The following PDE5A variants were observed in gnomAD, a reference collection of about 807,000 sequenced individuals.
PDE5A encodes the protein cGMP-specific 3',5'-cyclic phosphodiesterase.
In PDE5A, 67 loss-of-function variants were observed where a neutral mutation model predicts 110.2. The observed-to-expected ratio is 0.61, with a 90% confidence interval of 0.50 to 0.75. PDE5A has a LOEUF of 0.75. Ranked by LOEUF, PDE5A falls within the 30% of genes least tolerant of loss-of-function variation. PDE5A has a pLI of 0.00. For synonymous variants in PDE5A, 328 were observed against 351.2 expected (o/e 0.93, Z 0.74); for missense variants, 862 against 1,045.1 (o/e 0.82, Z 2.42).
At chr4:119,585,317 C>T (rs1328602726) in intron 3 of PDE5A, among the ~76,000 whole-genome samples, 1 of 151,780 alleles carries the variant, frequency 6.6e-6, no homozygotes, top group Non-Finnish European at 1.5e-5. Flanking sequence ...CAATAGTTTG[C>T]CACCATACAA....
In PDE5A at chr4:119,561,181, ACATTATG is replaced by A. The variant is rs1172967402; in HGVS notation, c.1132-825_1132-819del. The stretch of plus-strand genomic sequence containing the variant: ...AAATCACATTAAAAAGCAGAACAGC[ACATTATG>A]CCCATGCTCTATTTATACAGAATTG... On this transcript the variant is annotated intron_variant, in intron 6 of 20. Coordinates refer to ENST00000354960, the MANE Select transcript of PDE5A (RefSeq NM_001083.4). Among the ~76,000 whole-genome samples, 5 of 152,318 alleles carry A rather than the reference ACATTATG, an allele frequency of 3.3e-5. No homozygotes were observed. In the South Asian group the frequency reaches 1.0e-3, roughly 32 times the overall value.
At chr4:119,612,318 T>TC (rs1729785112) in intron 1 of PDE5A, among the ~76,000 whole-genome samples, 1 of 152,166 alleles carries the variant, frequency 6.6e-6, no homozygotes, top group African/African-American at 2.4e-5. Context: ...CTTCACACCA[T>TC]CCCCTTCATG....
At chr4:119,518,510 A>G (rs1725995364) in intron 14 of PDE5A, among the ~76,000 whole-genome samples, 2 of 152,218 alleles carry the variant, frequency 1.3e-5, no homozygotes, top group African/African-American at 4.8e-5. Context: ...ATAGGTACCA[A>G]GCATTCTGCT....
intron 20 of PDE5A, chr4:119,500,861 TAAAAAA>T (rs35960124): frequency 6.0e-5 from 12 of 201,664 alleles, no homozygotes; most frequent in East Asian, 4.4e-4. Flanking sequence ...AATTTAGACT[TAAAAAA>T]AGAATATGCT....
chr4:119,616,376 CTT>C (rs1481993109), intron 1 of PDE5A, among the ~76,000 whole-genome samples: 2 of 152,206 alleles, frequency 1.3e-5, no homozygotes, highest in Admixed American at 6.5e-5. Context: ...CTTTTGAGCT[CTT>C]GTCATAAATG....
intron 2 of PDE5A, among the ~76,000 whole-genome samples, chr4:119,605,053 A>G (rs1209422897): frequency 1.3e-5 from 2 of 152,056 alleles, no homozygotes; most frequent in African/African-American, 4.8e-5. Flanking sequence ...ACTACTGTAA[A>G]ATTAATCCTT....
chr4:119,575,337 G>A (rs1266536330), intron 3 of PDE5A, among the ~76,000 whole-genome samples: 1 of 151,954 alleles, frequency 6.6e-6, no homozygotes, highest in Non-Finnish European at 1.5e-5. Context: ...TACAGAGAAC[G>A]CCACAAAGAT....
Position 119,494,722 on chromosome 4 carries a change from G to C in PDE5A, c.*3879C>G, listed in dbSNP as rs1215273906. On this transcript the variant is annotated 3_prime_UTR_variant, in exon 21 of 21. Transcript: ENST00000354960. ...ATATTTGTTCAAATATATTGAAAAG[G>C]TATAAGAATACAAATAGATATTAAC... 1 of 152,482 alleles carries C rather than the reference G, an allele frequency of 6.6e-6. No homozygotes were observed. Among genetic ancestry groups the C allele is most frequent in the African/African-American group, 2.4e-5 (1 of 41,402 alleles). The allele number at this position is 152,482 out of a possible 1,614,324, so 9.4% of individuals were successfully genotyped here. A position where few individuals can be genotyped will look rare whatever the true frequency, so the allele number is the denominator to read the frequency against.
intron 9 of PDE5A, chr4:119,549,877 A>T (rs917399336): frequency 6.6e-6 from 1 of 152,214 alleles, no homozygotes; most frequent in African/African-American, 2.4e-5. Flanking sequence ...ATACTGGTCT[A>T]ATGTCTATAA....
At chr4:119,532,029 A>T (rs545029885) in intron 11 of PDE5A, among the ~76,000 whole-genome samples, 125 of 152,202 alleles carry the variant, frequency 8.2e-4, no homozygotes, top group Non-Finnish European at 1.5e-3. Flanking sequence ...TATTTAATCA[A>T]CTCTCAAATT....
chr4:119,579,462 G>A (rs1219937249), intron 3 of PDE5A, among the ~76,000 whole-genome samples: 1 of 152,074 alleles, frequency 6.6e-6, no homozygotes, highest in Non-Finnish European at 1.5e-5. Flanking sequence ...ATGATAGACT[G>A]GATTAAGAAA....
intron 15 of PDE5A, 41 bp downstream of exon 15, chr4:119,511,006 G>A: frequency 9.1e-7 from 1 of 1,097,548 alleles, no homozygotes; most frequent in Non-Finnish European, 1.4e-6. Flanking sequence ...AATTTATAAA[G>A]CTCTCTTTTA....
chr4:119,614,103 T>A (rs970030631), intron 1 of PDE5A, among the ~76,000 whole-genome samples: 1 of 151,846 alleles, frequency 6.6e-6, no homozygotes, highest in Non-Finnish European at 1.5e-5. Flanking sequence ...CACACTGTTT[T>A]CTTAAGGTAA....
intron 1 of PDE5A, among the ~76,000 whole-genome samples, chr4:119,610,665 A>C (rs1350297915): frequency 6.6e-6 from 1 of 152,136 alleles, no homozygotes; most frequent in East Asian, 1.9e-4. Context: ...CATCACCTCC[A>C]CAGTTACTCA....
In PDE5A at chr4:119,562,878, C is replaced by A; in HGVS notation, c.1086G>T (p.Met362Ile). Reference sequence around the variant, plus strand: ...TGAAAATGGTGCATTTCTGCACTTGCATGAAAGAGATAATAGTGGCAGCTA... The same window carrying A: ...TGAAAATGGTGCATTTCTGCACTTGAATGAAAGAGATAATAGTGGCAGCTA... ...KKIAATIISF[M>I]QVQKCTIFIV... The change falls in exon 6 of 21, where the codon ATG (methionine) becomes ATT (isoleucine). Residue 362 changes from methionine (M) to isoleucine (I), a missense_variant. Transcript: ENST00000354960. 1 of 1,596,198 alleles carries A rather than the reference C, an allele frequency of 6.3e-7. No homozygotes were observed. The highest frequency in any genetic ancestry group is 8.5e-7 in the Non-Finnish European group (1 of 1,172,656).
intron 9 of PDE5A, 71 bp from the exon 10 acceptor site, chr4:119,542,705 C>T (rs1380940086): frequency 7.7e-7 from 1 of 1,298,788 alleles, no homozygotes; most frequent in East Asian, 2.3e-5. Flanking sequence ...TTAACAAACA[C>T]ACCCAAAGAT....
intron 11 of PDE5A, among the ~76,000 whole-genome samples, chr4:119,526,243 A>G (rs1447641038): frequency 6.6e-6 from 1 of 152,134 alleles, no homozygotes; most frequent in African/African-American, 2.4e-5. Context: ...CTAGTTAAGG[A>G]ATGAGGATGC....
In PDE5A at chr4:119,521,060, C is replaced by T; in HGVS notation, c.1780G>A (p.Val594Ile). 6.2e-7 allele frequency: 1 copy of T among 1,610,570 alleles called. No homozygotes were observed. The highest frequency in any genetic ancestry group is 8.5e-7 in the Non-Finnish European group (1 of 1,178,128). ...ACACTTAAAATCCATCTGCAAAGAA[C>T]CTTTAGGGAATAAAACATAAGTAGT... ...LVQNFQMKHE[V>I]LCRWILSVKK... Residue 594 changes from valine (V) to isoleucine (I), a missense_variant and splice_region_variant, in exon 13 of 21, where the codon GTT (valine) becomes ATT (isoleucine). Val to Ile is a conservative substitution (Grantham distance 29). Coordinates refer to ENST00000354960, the MANE Select transcript of PDE5A (RefSeq NM_001083.4).
At chr4:119,573,073 T>C (rs1361234097) in intron 3 of PDE5A, among the ~76,000 whole-genome samples, 1 of 152,242 alleles carries the variant, frequency 6.6e-6, no homozygotes, top group Non-Finnish European at 1.5e-5. Flanking sequence ...TGTTGTTTTT[T>C]AAGATCAATT....
Sources: allele counts gnomAD v4.1 joint callset (sites outside exome capture counted in the v4.1 genomes callset), GRCh38; gene constraint gnomAD v4.1.1; transcripts MANE v1.5; gene names NCBI Gene and HGNC (gene_info 2026-07-23, HGNC 2026-07-21).